CDH12: variants seen among roughly 807,000 people sequenced by gnomAD.
CDH12 encodes cadherin 12.
In CDH12, 41 loss-of-function variants were observed where a neutral mutation model predicts 74.1. The observed-to-expected ratio is 0.55, with a 90% CI of 0.43 to 0.72. The LOEUF (loss-of-function observed/expected upper bound fraction) is 0.72. Ranked by LOEUF, CDH12 falls within the 30% of genes least tolerant of loss-of-function variation. The probability of loss-of-function intolerance (pLI) is 0.00; values close to 1 mark genes in which losing one functional copy is unlikely to be tolerated. For missense variants in CDH12, 945 were observed against 977.2 expected (o/e 0.97, Z 0.44); for synonymous variants, 399 against 355.0 (o/e 1.12, Z -1.39).
chr5:22,362,858 A>G (rs1203792597), intron 3 of CDH12, among the ~76,000 whole-genome samples: 1 of 146,742 alleles, frequency 6.8e-6, no homozygotes, highest in African/African-American at 2.5e-5. Flanking sequence ...GCATGTTCTC[A>G]CTCATAGGTG....
Position 22,078,570 on chromosome 5 carries a change from C to G in CDH12, c.107G>C (p.Arg36Thr), listed in dbSNP as rs765140344. The G allele has an allele frequency of 6.2e-7, 1 of 1,613,946 alleles. No homozygotes were observed. The highest frequency in any genetic ancestry group is 8.5e-7 in the Non-Finnish European group (1 of 1,179,904). ...TCCTGGCAGATGGATAACATTTTCTCTTGGCTCTGTGGCTAAAGTCTGCTG... is the reference window on the plus strand; with the variant it reads ...TCCTGGCAGATGGATAACATTTTCTGTTGGCTCTGTGGCTAAAGTCTGCTG... Reference protein sequence around the residue: ...QPQQTLATEPRENVIHLPGQR... With the variant: ...QPQQTLATEPTENVIHLPGQR... Residue 36 changes from arginine to threonine, a missense_variant, in exon 5 of 15, where the codon AGA becomes ACA. Around this residue, in one of 3 missense-constraint regions of CDH12, gnomAD observed 148 missense variants for 162.8 expected, o/e 0.91. Transcript: ENST00000382254.
intron 1 of CDH12, among the ~76,000 whole-genome samples, chr5:22,612,080 C>A (rs1034568487): frequency 6.6e-6 from 1 of 152,086 alleles, no homozygotes; most frequent in Admixed American, 6.6e-5. Context: ...TTGGCCCTTA[C>A]TTATTGGTTA....
chr5:22,693,367 T>C (rs1742184888), intron 1 of CDH12, among the ~76,000 whole-genome samples: 2 of 152,040 alleles, frequency 1.3e-5, no homozygotes, highest in Admixed American at 1.3e-4. Flanking sequence ...TGAGAGTGTG[T>C]GGGGACTGGC....
chr5:21,830,008 G>A (rs1748914524), intron 8 of CDH12, among the ~76,000 whole-genome samples: 1 of 151,602 alleles, frequency 6.6e-6, no homozygotes, highest in African/African-American at 2.4e-5. Flanking sequence ...AGACCAGCTT[G>A]GCCAACATGG....
At position 22,114,442 on chromosome 5, in the gene CDH12, A is replaced by G. The variant is rs997820476; in HGVS notation, c.-186-35580T>C. On this transcript the variant is annotated intron_variant, in intron 4 of 14. Coordinates refer to ENST00000382254, the MANE Select transcript of CDH12 (RefSeq NM_004061.5). ...TCTGGACAATTGGTTACACCTATAA[A>G]TGTATCTAACTATAGAAAATAGTCA... Among the ~76,000 whole-genome samples, 4 of 152,178 alleles carry G rather than the reference A, an allele frequency of 2.6e-5. No individual in the cohort carries two copies. The South Asian group carries it at 6.2e-4, about 24-fold the overall frequency.
In CDH12 at chr5:22,155,729, T is replaced by A. The variant is rs1184690778; in HGVS notation, c.-187+56769A>T. ...ATCAGAAATACTGTATTAGCATAAG[T>A]CATATGTTTAAGGAAATATATTCCT... On this transcript the variant is annotated intron_variant, in intron 4 of 14. Transcript: ENST00000382254. Among the ~76,000 whole-genome samples, 3 of 152,256 alleles carry A rather than the reference T, an allele frequency of 2.0e-5. No individual in the cohort carries two copies. In the East Asian group the frequency reaches 5.8e-4, roughly 29 times the overall value.
At chr5:21,818,658 G>C (rs982212073) in intron 8 of CDH12, among the ~76,000 whole-genome samples, 3 of 151,824 alleles carry the variant, frequency 2.0e-5, no homozygotes, top group African/African-American at 4.8e-5. Flanking sequence ...CTCAACTAAA[G>C]TTTGTTTATT....
intron 6 of CDH12, among the ~76,000 whole-genome samples, chr5:21,950,074 G>A (rs1755780311): frequency 6.6e-6 from 1 of 151,986 alleles, no homozygotes; most frequent in Non-Finnish European, 1.5e-5. Context: ...ATTTTTGACT[G>A]GATTTTTTAC....
intron 6 of CDH12, among the ~76,000 whole-genome samples, chr5:21,907,565 A>G (rs368361155): frequency 1.3e-5 from 2 of 152,184 alleles, no homozygotes; most frequent in East Asian, 3.9e-4. Context: ...AGTTGAAAGT[A>G]AAATATGATT....
chr5:22,270,605 AT>A (rs35533916), intron 3 of CDH12, among the ~76,000 whole-genome samples: 15,806 of 68,846 alleles, frequency 0.23, 957 homozygotes, highest in South Asian at 0.4. Flanking sequence ...AAAAAAAAAA[AT>A]ATATATATAT....
intron 1 of CDH12, among the ~76,000 whole-genome samples, chr5:22,807,912 C>T (rs1036221000): frequency 2.0e-5 from 3 of 152,036 alleles, no homozygotes; most frequent in African/African-American, 2.4e-5. Context: ...AAACACTGTA[C>T]ACTTATGGGA....
intron 1 of CDH12, among the ~76,000 whole-genome samples, chr5:22,789,635 C>A (rs1342055424): frequency 6.6e-6 from 1 of 152,016 alleles, no homozygotes. Context: ...CTTGACACAA[C>A]TTTTCATAGG....
chr5:22,774,382 C>G (rs566613386), intron 1 of CDH12, among the ~76,000 whole-genome samples: 88 of 152,200 alleles, frequency 5.8e-4, no homozygotes, highest in African/African-American at 1.6e-3. Flanking sequence ...AACAGAAAAC[C>G]AAATACCACA....
At chr5:22,774,704 A>C (rs907674921) in intron 1 of CDH12, among the ~76,000 whole-genome samples, 2 of 152,036 alleles carry the variant, frequency 1.3e-5, no homozygotes, top group African/African-American at 4.8e-5. Context: ...CCACATTGTG[A>C]GTTCTCCATT....
chr5:21,881,799 C>G (rs1396086702), intron 6 of CDH12, among the ~76,000 whole-genome samples: 1 of 152,148 alleles, frequency 6.6e-6, no homozygotes, highest in Non-Finnish European at 1.5e-5. Flanking sequence ...TCCACAGTAG[C>G]TACACTTGCC....
chr5:22,733,734 T>C (rs1159453568), intron 1 of CDH12, among the ~76,000 whole-genome samples: 1 of 151,984 alleles, frequency 6.6e-6, no homozygotes, highest in African/African-American at 2.4e-5. Context: ...TCTTGTTATT[T>C]ATTAAAGTGA....
At chr5:22,227,945 C>T (rs1262341260) in intron 3 of CDH12, among the ~76,000 whole-genome samples, 1 of 152,134 alleles carries the variant, frequency 6.6e-6, no homozygotes, top group African/African-American at 2.4e-5. Flanking sequence ...CACAATTCCA[C>T]ACCTGTCACT....
intron 6 of CDH12, among the ~76,000 whole-genome samples, chr5:21,907,225 A>G (rs190394592): frequency 1.3e-5 from 2 of 152,238 alleles, no homozygotes; most frequent in Admixed American, 6.5e-5. Context: ...TTTAAAAAAT[A>G]CGCCCAAATA....
intron 1 of CDH12, among the ~76,000 whole-genome samples, chr5:22,565,836 T>C (rs985729932): frequency 6.6e-6 from 1 of 152,156 alleles, no homozygotes. Context: ...TTATTTTATA[T>C]GTATTTTAAA....
Sources: allele counts gnomAD v4.1 joint callset (sites outside exome capture counted in the v4.1 genomes callset), GRCh38; gene constraint gnomAD v4.1.1; regional missense constraint gnomAD v4.1.1; transcripts MANE v1.5; gene names NCBI Gene and HGNC (gene_info 2026-07-23, HGNC 2026-07-21).